The following DUSP10 variants were observed in gnomAD, a reference collection of about 807,000 sequenced individuals.
DUSP10 encodes the protein dual specificity phosphatase 10, also known as dual specificity protein phosphatase 10.
In DUSP10, 14 loss-of-function variants were observed where a neutral mutation model predicts 30.8. That is an observed-to-expected ratio of 0.46 (90% CI 0.30 to 0.71). DUSP10 has a LOEUF of 0.71. DUSP10 is among the 30% of genes least tolerant of loss of function. The probability of loss-of-function intolerance (pLI) is 0.08; values close to 1 mark genes in which losing one functional copy is unlikely to be tolerated. For synonymous variants in DUSP10, 254 were observed against 250.4 expected, an observed-to-expected ratio of 1.01 and a Z score of -0.14; for missense variants, 550 against 619.4, an observed-to-expected ratio of 0.89 and a Z score of 1.19.
At chr1:221,740,062 G>T (rs1445606091) in intron 1 of DUSP10, among the ~76,000 whole-genome samples, 1 of 152,228 alleles carries the variant, frequency 6.6e-6, no homozygotes, top group South Asian at 2.1e-4. Flanking sequence ...CTACATAAAA[G>T]TTCAGCTGTA....
intron 2 of DUSP10, chr1:221,736,809 A>G: frequency 1.0e-6 from 1 of 985,404 alleles, no homozygotes; most frequent in Non-Finnish European, 1.2e-6. Context: ...CAGATATTTG[A>G]AGAAAAGGCC....
At chr1:221,720,768 C>T (rs61820083) in intron 2 of DUSP10, among the ~76,000 whole-genome samples, 1 of 152,182 alleles carries the variant, frequency 6.6e-6, no homozygotes, top group African/African-American at 2.4e-5. Context: ...AGACCTCAGA[C>T]CAGATGTGTT....
At chr1:221,722,888 A>T (rs1661316107) in intron 2 of DUSP10, among the ~76,000 whole-genome samples, 1 of 152,260 alleles carries the variant, frequency 6.6e-6, no homozygotes, top group Non-Finnish European at 1.5e-5. Flanking sequence ...TTAAAAATCC[A>T]AACAAAAGCC....
chr1:221,707,714 A>C (rs1401670489), intron 2 of DUSP10, among the ~76,000 whole-genome samples: 1 of 152,234 alleles, frequency 6.6e-6, no homozygotes. Flanking sequence ...AAAAGAAAAA[A>C]AGTTATTACA....
At chr1:221,721,262 G>T (rs746279925) in intron 2 of DUSP10, among the ~76,000 whole-genome samples, 1 of 152,158 alleles carries the variant, frequency 6.6e-6, no homozygotes, top group Non-Finnish European at 1.5e-5. Flanking sequence ...CCAGTTTATT[G>T]TAAAGCATCT....
intron 2 of DUSP10, among the ~76,000 whole-genome samples, chr1:221,737,944 G>T (rs552669678): frequency 6.6e-6 from 1 of 152,300 alleles, no homozygotes; most frequent in Admixed American, 6.5e-5. Flanking sequence ...TGCGTACCTT[G>T]GCTCAGAACA....
chr1:221,739,501 T>G lies in DUSP10; in HGVS notation c.244A>C (p.Thr82Pro). ...NCGCSSASCCTVATYDKDNQA... is the reference protein window; with the variant it reads ...NCGCSSASCCPVATYDKDNQA... ...TTGTCCTTGTCGTAGGTTGCCACAG[T>G]GCAGCAGCTGGCACTGCTGCATCCA... Residue 82 changes from threonine (T) to proline (P), a missense_variant, in exon 2 of 4, where the codon ACT becomes CCT. Coordinates refer to ENST00000366899, the MANE Select transcript of DUSP10 (RefSeq NM_007207.6). 3 of 1,614,188 alleles carry G rather than the reference T, an allele frequency of 1.9e-6. No homozygotes were observed. Among genetic ancestry groups the G allele is most frequent in the Non-Finnish European group, 2.5e-6 (3 of 1,180,026 alleles).
At chr1:221,717,056 C>T (rs1661126253) in intron 2 of DUSP10, among the ~76,000 whole-genome samples, 1 of 152,136 alleles carries the variant, frequency 6.6e-6, no homozygotes, top group African/African-American at 2.4e-5. Context: ...TTCCAGAAGG[C>T]AGTCACAAAT....
chr1:221,741,478 A>G (rs1056752776), intron 1 of DUSP10, among the ~76,000 whole-genome samples: 5 of 152,114 alleles, frequency 3.3e-5, no homozygotes, highest in African/African-American at 7.2e-5. Context: ...TCGGGCGTAC[A>G]TACTGCCCGT....
rs543373773 is a variant in DUSP10 at position 221,729,037 on chromosome 1, G to T, written c.811+9897C>A. 1.3e-3 allele frequency among the ~76,000 whole-genome samples: 194 copies of T among 152,264 alleles called. 1 individual carries two copies. Among genetic ancestry groups the T allele is most frequent in the African/African-American group, 4.3e-3 (179 of 41,556 alleles). On this transcript the variant is annotated intron_variant, in intron 2 of 3. Coordinates refer to ENST00000366899, the MANE Select transcript of DUSP10 (RefSeq NM_007207.6). ...ACTGGACAAGTGCCTGAACCTCTCC[G>T]AGTTTCAGTCCCTCGTATGTAAATT...
intron 2 of DUSP10, among the ~76,000 whole-genome samples, chr1:221,712,657 A>T (rs907568383): frequency 3.3e-5 from 5 of 152,054 alleles, no homozygotes; most frequent in Admixed American, 6.5e-5. Flanking sequence ...AGGAAGATAT[A>T]TCTAAAAATA....
At chr1:221,733,806 G>A (rs1661685995) in intron 2 of DUSP10, among the ~76,000 whole-genome samples, 1 of 152,244 alleles carries the variant, frequency 6.6e-6, no homozygotes, top group South Asian at 2.1e-4. Flanking sequence ...CCAGGTGTAA[G>A]TGAGCAAAAT....
intron 3 of DUSP10, among the ~76,000 whole-genome samples, chr1:221,704,128 C>T (rs1219504526): frequency 6.6e-6 from 1 of 152,170 alleles, no homozygotes; most frequent in African/African-American, 2.4e-5. Context: ...AGATGCTGCT[C>T]AGCTTATATT....
At chr1:221,738,805 G>A (rs1240011301) in intron 2 of DUSP10, 129 bp downstream of exon 2, 2 of 1,204,972 alleles carry the variant, frequency 1.7e-6, no homozygotes, top group South Asian at 3.1e-5. Flanking sequence ...AGCATAGAAG[G>A]GAAGAGAAGA....
In DUSP10 at chr1:221,739,374, G is replaced by A. The variant is rs1378604425; in HGVS notation, c.371C>T (p.Thr124Ile). The change falls in exon 2 of 4, where the codon ACA (threonine) becomes ATA (isoleucine). Residue 124 changes from threonine to isoleucine, a missense_variant. Physicochemically the swap from Thr to Ile is moderately conservative, Grantham distance 89 (BLOSUM62 -1). Transcript: ENST00000366899. ...ANQMVNNNEN[T>I]GSLSPSSGVG... ...CCCACTTGATGGACTTAGAGAGCCT[G>A]TATTCTCATTATTGTTGACCATCTG... The A allele has an allele frequency of 1.2e-6, 2 of 1,614,120 alleles. No homozygotes were observed. The highest frequency in any genetic ancestry group is 1.7e-6 in the Non-Finnish European group (2 of 1,179,992).
chr1:221,724,743 G>A (rs7524682), intron 2 of DUSP10, among the ~76,000 whole-genome samples: 18,069 of 152,198 alleles, frequency 0.12, 3,275 homozygotes, highest in African/African-American at 0.39. Context: ...ACATGGAGGG[G>A]TAGTGACCAA....
chr1:221,737,845 T>C lies in DUSP10; in HGVS notation c.811+1089A>G, dbSNP rs114744254. ...CTAACTTGCTCACCCACATGTCCTA[T>C]TGCAATTTAAATATGCAATGTGTTC... On this transcript the variant is annotated intron_variant, in intron 2 of 3. Coordinates refer to ENST00000366899, the MANE Select transcript of DUSP10 (RefSeq NM_007207.6). Among the ~76,000 whole-genome samples, 275 of 152,362 alleles carry C rather than the reference T, an allele frequency of 1.8e-3. 1 individual carries two copies. The highest frequency in any genetic ancestry group is 6.2e-3 in the African/African-American group (259 of 41,592).
At chr1:221,736,989 A>G in intron 2 of DUSP10, 1 of 985,504 alleles carries the variant, frequency 1.0e-6, no homozygotes, top group Non-Finnish European at 1.2e-6. Flanking sequence ...TCTTACTCTG[A>G]CACTGAGGAA....
chr1:221,730,319 G>A (rs540169038), intron 2 of DUSP10, among the ~76,000 whole-genome samples: 2 of 152,304 alleles, frequency 1.3e-5, no homozygotes, highest in South Asian at 4.1e-4. Context: ...TATAACACGA[G>A]AGGTTTAAGC....
Sources: allele counts gnomAD v4.1 joint callset (sites outside exome capture counted in the v4.1 genomes callset), GRCh38; gene constraint gnomAD v4.1.1; transcripts MANE v1.5; gene names NCBI Gene and HGNC (gene_info 2026-07-23, HGNC 2026-07-21).